EIF4G3: variants seen among roughly 807,000 people sequenced by gnomAD.
The protein encoded by EIF4G3 is eIF-4-gamma 3.
In EIF4G3, 34 loss-of-function variants were observed where a neutral mutation model predicts 186.4. That is an observed-to-expected ratio of 0.18 (90% CI 0.14 to 0.24). EIF4G3 has a LOEUF of 0.24. EIF4G3 is among the 10% of genes least tolerant of loss of function. The probability of loss-of-function intolerance (pLI) is 1.00; values close to 1 mark genes in which losing one functional copy is unlikely to be tolerated. For synonymous variants in EIF4G3, 673 were observed against 679.5 expected, an observed-to-expected ratio of 0.99 and a Z score of 0.15; for missense variants, 1,536 against 1,948.5, an observed-to-expected ratio of 0.79 and a Z score of 3.99.
At chr1:21,031,069 C>T (rs1446980035) in intron 4 of EIF4G3, among the ~76,000 whole-genome samples, 3 of 151,978 alleles carry the variant, frequency 2.0e-5, no homozygotes, top group African/African-American at 7.3e-5. Context: ...GCCTGTAATC[C>T]CAGCTATTTG....
At chr1:21,097,186 T>C (rs558157685) in intron 2 of EIF4G3, among the ~76,000 whole-genome samples, 2 of 152,338 alleles carry the variant, frequency 1.3e-5, no homozygotes, top group African/African-American at 4.8e-5. Flanking sequence ...CTATCAAGGA[T>C]ACACGATCTT....
chr1:20,853,683 C>A lies in EIF4G3; in HGVS notation c.3434-6G>T, dbSNP rs761446410. On this transcript the variant is annotated splice_region_variant and splice_polypyrimidine_tract_variant and intron_variant, in intron 26 of 36. Coordinates refer to ENST00000602326, the MANE Select transcript of EIF4G3 (RefSeq NM_001391906.1). ...AGCACTTGACCGTAAGGCATCTACA[C>A]ATGTCGAGGATTTAGAAAAAAATAC... 2.5e-6 allele frequency: 4 copies of A among 1,598,906 alleles called. No individual in the cohort carries two copies. The highest frequency in any genetic ancestry group is 3.4e-6 in the Non-Finnish European group (4 of 1,166,694).
chr1:20,860,731 T>C (rs973164609), intron 23 of EIF4G3, among the ~76,000 whole-genome samples: 5 of 152,214 alleles, frequency 3.3e-5, no homozygotes, highest in Non-Finnish European at 5.9e-5. Flanking sequence ...AATTGTATAC[T>C]ACATATTCCA....
intron 14 of EIF4G3, among the ~76,000 whole-genome samples, chr1:20,939,859 T>G (rs1042393473): frequency 3.5e-5 from 5 of 143,958 alleles, no homozygotes; most frequent in African/African-American, 5.1e-5. Flanking sequence ...TTTTTTTTTT[T>G]TTTTTTTTTT....
chr1:20,809,750 A>C (rs558408050), intron 36 of EIF4G3, among the ~76,000 whole-genome samples: 2 of 152,332 alleles, frequency 1.3e-5, no homozygotes, highest in South Asian at 4.1e-4. Flanking sequence ...TTAGTCAAAC[A>C]TGGTTATTTA....
chr1:20,948,430 G>A (rs1263790329), intron 13 of EIF4G3, among the ~76,000 whole-genome samples: 2 of 152,160 alleles, frequency 1.3e-5, no homozygotes, highest in Non-Finnish European at 2.9e-5. Context: ...CCACATTAGG[G>A]ATCACTAACT....
intron 14 of EIF4G3, among the ~76,000 whole-genome samples, chr1:20,907,124 T>C (rs969479794): frequency 3.9e-5 from 6 of 152,204 alleles, no homozygotes; most frequent in Non-Finnish European, 7.3e-5. Flanking sequence ...CTCGAATTTG[T>C]TGACTGAACA....
Position 20,849,046 on chromosome 1 carries a change from CAAAAAAAAAAAAAA to C in EIF4G3, c.3888+355_3888+368del, listed in dbSNP as rs60344352. Among the ~76,000 whole-genome samples the C allele has an allele frequency of 9.2e-4, 16 of 17,394 alleles. 1 individual carries two copies. The highest frequency in any genetic ancestry group is 5.4e-3 in the South Asian group (2 of 368). 11.4% of individuals were successfully genotyped at this position (17,394 alleles called of 152,430 possible). A position where few individuals can be genotyped will look rare whatever the true frequency, so the allele number is the denominator to read the frequency against. On this transcript the variant is annotated intron_variant, in intron 29 of 36. Transcript: ENST00000602326. ...TGGGCAACACAGCAAGACTCTGTCT[CAAAAAAAAAAAAAA>C]AAAAAAAAAAAAAAAGACCATGACA...
At chr1:21,071,337 A>C (rs1337147626) in intron 3 of EIF4G3, among the ~76,000 whole-genome samples, 1 of 152,114 alleles carries the variant, frequency 6.6e-6, no homozygotes, top group Admixed American at 6.5e-5. Flanking sequence ...GCTTGAGCCC[A>C]GGAGTTCAAA....
chr1:20,844,686 G>T (rs1189599724), intron 29 of EIF4G3, among the ~76,000 whole-genome samples: 1 of 152,104 alleles, frequency 6.6e-6, no homozygotes, highest in African/African-American at 2.4e-5. Context: ...CAAAAAATTA[G>T]CTGGGTGTAG....
At chr1:20,872,746 C>T in intron 20 of EIF4G3, among the ~76,000 whole-genome samples, 1 of 125,862 alleles carries the variant, frequency 7.9e-6, no homozygotes, top group Non-Finnish European at 1.6e-5. Context: ...TGAGACAGAG[C>T]CTCACTCTGT....
chr1:20,933,551 G>A (rs766560347), intron 14 of EIF4G3, among the ~76,000 whole-genome samples: 7 of 151,970 alleles, frequency 4.6e-5, no homozygotes, highest in African/African-American at 7.3e-5. Flanking sequence ...GCTACTCAGG[G>A]GGCTGAGGGA....
intron 21 of EIF4G3, 74 bp from the exon 22 acceptor site, chr1:20,864,786 G>T: frequency 2.4e-6 from 3 of 1,234,162 alleles, no homozygotes; most frequent in Non-Finnish European, 3.5e-6. Context: ...AGATTCATGG[G>T]GTCAGAATCC....
intron 4 of EIF4G3, among the ~76,000 whole-genome samples, chr1:21,008,167 A>ACCC (rs1047654780): frequency 6.6e-6 from 1 of 152,180 alleles, no homozygotes; most frequent in African/African-American, 2.4e-5. Flanking sequence ...TACAAAGCAA[A>ACCC]CCAGAATATC....
chr1:21,079,157 A>T (rs2095684013), intron 3 of EIF4G3, among the ~76,000 whole-genome samples: 1 of 152,190 alleles, frequency 6.6e-6, no homozygotes, highest in South Asian at 2.1e-4. Context: ...ACAGATTTAC[A>T]TCTGGCTGGA....
At chr1:21,115,442 A>G (rs186925851) in intron 2 of EIF4G3, among the ~76,000 whole-genome samples, 4 of 152,314 alleles carry the variant, frequency 2.6e-5, no homozygotes, top group African/African-American at 7.2e-5. Context: ...AAGAATTATA[A>G]AGAGACATGA....
At chr1:20,898,915 A>T (rs574607771) in intron 16 of EIF4G3, among the ~76,000 whole-genome samples, 32 of 152,286 alleles carry the variant, frequency 2.1e-4, no homozygotes, top group Non-Finnish European at 4.1e-4. Context: ...TTTTTAGTCG[A>T]GACGGGGTTT....
chr1:20,807,371 G>C lies in EIF4G3; in HGVS notation c.4874C>G (p.Thr1625Arg), dbSNP rs762356088. 2 of 1,609,888 alleles carry C rather than the reference G, an allele frequency of 1.2e-6. No individual in the cohort carries two copies. The highest frequency in any genetic ancestry group is 1.3e-5 in the African/African-American group (1 of 74,854). The change falls in exon 37 of 37, where the codon ACG becomes AGG. Residue 1625 changes from threonine (T) to arginine (R), a missense_variant. Thr to Arg is a moderately conservative substitution (Grantham distance 71, BLOSUM62 -1). Around this residue, in one of 11 missense-constraint regions of EIF4G3, gnomAD observed 45 missense variants for 99.1 expected, o/e 0.45. Transcript: ENST00000602326. ...TTCCCGCAGCCACGTGAAGAATGCC[G>C]TGACAGATTTCAGAGCCACGCCCTT... is the stretch of plus-strand genomic sequence containing the variant. ...NGKGVALKSVTAFFTWLREAE... is the reference protein window; with the variant it reads ...NGKGVALKSVRAFFTWLREAE...
chr1:20,870,803 G>T (rs915916611), intron 20 of EIF4G3, among the ~76,000 whole-genome samples: 1 of 152,186 alleles, frequency 6.6e-6, no homozygotes, highest in Non-Finnish European at 1.5e-5. Context: ...TTCATGAAGG[G>T]AGTCTCACAG....
Sources: gnomAD v4.1 joint callset for allele counts (sites outside exome capture counted in the v4.1 genomes callset) on GRCh38, gnomAD v4.1.1 for gene constraint, gnomAD v4.1.1 regional missense constraint, MANE v1.5 for transcripts, NCBI Gene and HGNC (gene_info 2026-07-23, HGNC 2026-07-21) for gene names.